ZNF780A: variants seen among roughly 807,000 people sequenced by gnomAD.
ZNF780A encodes zinc finger protein 780A.
ZNF780A carries 40 observed loss-of-function variants against 56.7 expected under a neutral mutation model. The observed-to-expected ratio is 0.71, with a 90% CI of 0.55 to 0.92. The LOEUF (loss-of-function observed/expected upper bound fraction) is 0.92. ZNF780A is among the 40% of genes least tolerant of loss of function. The probability of loss-of-function intolerance (pLI) is 0.00; values close to 1 mark genes in which losing one functional copy is unlikely to be tolerated. For missense variants in ZNF780A, 672 were observed against 783.3 expected (o/e 0.86, Z 1.70); for synonymous variants, 231 against 248.3 (o/e 0.93, Z 0.66).
intron 1 of ZNF780A, chr19:40,090,614 C>T (rs1156568616): frequency 6.6e-6 from 1 of 152,434 alleles, no homozygotes. Flanking sequence ...GGCACCGGCA[C>T]AGTGTCACTC....
At chr19:40,069,620 G>A (rs1973750684), downstream of ZNF780A, 1 of 151,898 alleles carries the variant, frequency 6.6e-6, no homozygotes, top group African/African-American at 2.4e-5. Flanking sequence ...GAACAAGTCT[G>A]TTAAAAATCA....
Position 40,084,796 on chromosome 19 carries a change from C to T in ZNF780A, c.-43G>A, listed in dbSNP as rs551735451. 2.6e-6 allele frequency: 4 copies of T among 1,552,678 alleles called. No homozygotes were observed. The East Asian group carries it at 9.7e-5, about 38-fold the overall frequency. On this transcript the variant is annotated splice_region_variant and 5_prime_UTR_variant, in exon 3 of 6. Transcript: ENST00000683561. ...ACTGGTCAATCTTCCTCGGGCTTCT[C>T]CCCTGGAAAACAACAACAACAAAAA...
In ZNF780A at chr19:40,074,693, T is replaced by G. The variant is rs778556555; in HGVS notation, c.1749A>C (p.Lys583Asn). 6 of 1,613,492 alleles carry G rather than the reference T, an allele frequency of 3.7e-6. 1 individual carries two copies. Among genetic ancestry groups the G allele is most frequent in the Non-Finnish European group, 5.1e-6 (6 of 1,179,856 alleles). The change falls in exon 6 of 6, where the codon AAA (lysine) becomes AAC (asparagine). Residue 583 changes from lysine (K) to asparagine (N), a missense_variant. By Grantham distance (94) the Lys-to-Asn change is moderately conservative (BLOSUM62 0). Coordinates refer to ENST00000683561, the MANE Select transcript of ZNF780A (RefSeq NM_001142578.2). ...IRHQKLHTGE[K>N]PFECKECGKA... Reference sequence around the variant, plus strand: ...TCCCACACTCCTTACATTCAAAGGGTTTCTCACCAGTATGCAATTTCTGAT... The same window carrying G: ...TCCCACACTCCTTACATTCAAAGGGGTTCTCACCAGTATGCAATTTCTGAT...
rs764811872 is a variant in ZNF780A at position 40,075,987 on chromosome 19, G to A, written c.455C>T (p.Thr152Ile). Reference sequence around the variant, plus strand: ...ATTGCAAATAAGAGAAGCATGAGGAGTATGAGTAGGCAGTTTTTCATAGCT... The same window carrying A: ...ATTGCAAATAAGAGAAGCATGAGGAATATGAGTAGGCAGTTTTTCATAGCT... ...MISYEKLPTHTPHASLICNTH... is the reference protein window; with the variant it reads ...MISYEKLPTHIPHASLICNTH... Residue 152 changes from threonine (T) to isoleucine (I), a missense_variant, in exon 6 of 6, where the codon ACT becomes ATT. Coordinates refer to ENST00000683561, the MANE Select transcript of ZNF780A (RefSeq NM_001142578.2). 1 of 1,613,486 alleles carries A rather than the reference G, an allele frequency of 6.2e-7. No individual in the cohort carries two copies. Among genetic ancestry groups the A allele is most frequent in the East Asian group, 2.2e-5 (1 of 44,872 alleles).
intron 5 of ZNF780A, among the ~76,000 whole-genome samples, chr19:40,079,053 G>C (rs566707713): frequency 1.2e-3 from 176 of 152,140 alleles, no homozygotes; most frequent in African/African-American, 4.1e-3. Flanking sequence ...TAGATGGAAT[G>C]GATTTTTTAA....
downstream of ZNF780A, chr19:40,070,689 C>T (rs1973788306): frequency 6.6e-6 from 1 of 152,136 alleles, no homozygotes; most frequent in African/African-American, 2.4e-5. Flanking sequence ...TAAATTTTTA[C>T]ATAATTGGTT....
chr19:40,074,283 G>A lies in ZNF780A; in HGVS notation c.*233C>T. 1 of 1,487,112 alleles carries A rather than the reference G, an allele frequency of 6.7e-7. No individual in the cohort carries two copies. Among genetic ancestry groups the A allele is most frequent in the South Asian group, 1.5e-5 (1 of 68,404 alleles). 92.1% of individuals were successfully genotyped at this position (1,487,112 alleles called of 1,614,324 possible). On this transcript the variant is annotated 3_prime_UTR_variant, in exon 6 of 6. Transcript: ENST00000683561. ...TTTACATTCAAAGGGTTTTTTACCA[G>A]TGTGAATTTGGTAATGTTAAATAAG...
At chr19:40,079,979 T>TA (rs895713692) in intron 5 of ZNF780A, among the ~76,000 whole-genome samples, 6 of 151,836 alleles carry the variant, frequency 4.0e-5, no homozygotes, top group Non-Finnish European at 7.4e-5. Flanking sequence ...GGTTGTTTTT[T>TA]AAAAAACATA....
Position 40,074,358 on chromosome 19 carries a change from T to A in ZNF780A, c.*158A>T, listed in dbSNP as rs1192249186. On this transcript the variant is annotated 3_prime_UTR_variant, in exon 6 of 6. Coordinates refer to ENST00000683561, the MANE Select transcript of ZNF780A (RefSeq NM_001142578.2). ...CTCCACTCCTTGCATACAAAGAGTT[T>A]CTCACTGGAATGAATTTTCTGATGC... The A allele has an allele frequency of 6.5e-7, 1 of 1,531,710 alleles. No individual in the cohort carries two copies. The highest frequency in any genetic ancestry group is 1.4e-5 in the African/African-American group (1 of 72,248). The allele number at this position is 1,531,710 out of a possible 1,614,324, so 94.9% of individuals were successfully genotyped here.
At chr19:40,083,279 G>A (rs749352558) in intron 3 of ZNF780A, 42 bp from the exon 4 acceptor site, 3 of 1,608,682 alleles carry the variant, frequency 1.9e-6, no homozygotes, top group East Asian at 2.2e-5. Context: ...ACTGAAGAAA[G>A]TTGTTTTAAG....
In ZNF780A at chr19:40,075,671, G is replaced by T. The variant is rs1974084717; in HGVS notation, c.771C>A (p.Ser257=). 1.2e-6 allele frequency: 2 copies of T among 1,613,802 alleles called. No homozygotes were observed. The highest frequency in any genetic ancestry group is 1.7e-6 in the Non-Finnish European group (2 of 1,179,992). ...GAACAAGGTTTGAGCTACGATTAAA[G>T]GACTTCCCACATTCCTTACATTCAA... The part of the protein sequence containing the change: ...KLFECKECGK[S]FNRSSNLVQH... The change falls in exon 6 of 6, where the codon TCC becomes TCA. Residue 257 remains serine, a synonymous_variant. Coordinates refer to ENST00000683561, the MANE Select transcript of ZNF780A (RefSeq NM_001142578.2).
downstream of ZNF780A, chr19:40,071,894 T>C (rs1236788055): frequency 6.6e-6 from 1 of 152,256 alleles, no homozygotes; most frequent in Non-Finnish European, 1.5e-5. Context: ...ATAGACAATT[T>C]TCCTGGGCTA....
At chr19:40,081,775 C>T in intron 5 of ZNF780A, 44 bp downstream of exon 5, 1 of 1,519,058 alleles carries the variant, frequency 6.6e-7, no homozygotes, top group Non-Finnish European at 9.1e-7. Context: ...AGCACATGTC[C>T]AGGACAATGA....
chr19:40,084,862 T>C, intron 2 of ZNF780A, 64 bp from the exon 3 acceptor site: 3 of 1,522,288 alleles, frequency 2.0e-6, no homozygotes, highest in Non-Finnish European at 2.7e-6. Context: ...AATAACTATT[T>C]TATCCTCCGT....
At chr19:40,084,408 G>A (rs370748933) in intron 3 of ZNF780A, among the ~76,000 whole-genome samples, 3 of 152,158 alleles carry the variant, frequency 2.0e-5, no homozygotes, top group African/African-American at 7.2e-5. Flanking sequence ...GTGTTCCCAA[G>A]TGTGGTCAAT....
At chr19:40,085,975 T>C (rs2144968750) in intron 2 of ZNF780A, among the ~76,000 whole-genome samples, 1 of 149,120 alleles carries the variant, frequency 6.7e-6, no homozygotes, top group East Asian at 2.0e-4. Context: ...TGTGTGTGTG[T>C]ATATATATAT....
Position 40,075,617 on chromosome 19 carries a change from T to C in ZNF780A, c.825A>G (p.Lys275=). 6.2e-7 allele frequency: 1 copy of C among 1,613,540 alleles called. No homozygotes were observed. Among genetic ancestry groups the C allele is most frequent in the East Asian group, 2.2e-5 (1 of 44,830 alleles). ...VQHQSIHSGV[K]PYECKECGKG... is the part of the protein sequence containing the mutation. ...TCCCACACTCCTTACATTCATATGGTTTTACACCAGAATGAATACTCTGAT... is the reference window on the plus strand; with the variant it reads ...TCCCACACTCCTTACATTCATATGGCTTTACACCAGAATGAATACTCTGAT... The change falls in exon 6 of 6, where the codon AAA becomes AAG. Residue 275 remains lysine, a synonymous_variant. Transcript: ENST00000683561.
chr19:40,072,449 G>C (rs965658895), downstream of ZNF780A: 1 of 154,982 alleles, frequency 6.5e-6, no homozygotes, highest in African/African-American at 2.4e-5. Context: ...CGACCCATCA[G>C]GTAAGAAAGA....
At position 40,076,149 on chromosome 19, in the gene ZNF780A, T is replaced by G. The variant is rs1313176151; in HGVS notation, c.293A>C (p.Asn98Thr). The G allele has an allele frequency of 6.3e-7, 1 of 1,598,640 alleles. No individual in the cohort carries two copies. The highest frequency in any genetic ancestry group is 1.1e-5 in the South Asian group (1 of 87,542). The change falls in exon 6 of 6, where the codon AAT becomes ACT. Residue 98 changes from asparagine to threonine, a missense_variant. Asn to Thr is a moderately conservative substitution (Grantham distance 65, BLOSUM62 0). Transcript: ENST00000683561. ...VSPENDTSEVNLPKQVIKQIS... is the reference protein window; with the variant it reads ...VSPENDTSEVTLPKQVIKQIS... ...TTGCTTTATAACCTGTTTGGGTAAATTTACTTCAGAGGTATCATTTTCTGG... is the reference window on the plus strand; with the variant it reads ...TTGCTTTATAACCTGTTTGGGTAAAGTTACTTCAGAGGTATCATTTTCTGG...
Sources: gnomAD v4.1 joint callset for allele counts (sites outside exome capture counted in the v4.1 genomes callset) on GRCh38, gnomAD v4.1.1 for gene constraint, MANE v1.5 for transcripts, NCBI Gene and HGNC (gene_info 2026-07-23, HGNC 2026-07-21) for gene names.